Variants in POLR3B observed in about 807,000 individuals in gnomAD.
The protein encoded by POLR3B is DNA-directed RNA polymerase III subunit RPC2.
In POLR3B, 96 loss-of-function variants were observed where a neutral mutation model predicts 147.4. The observed-to-expected ratio is 0.65, with a 90% CI of 0.55 to 0.77. POLR3B has a LOEUF of 0.77. Among genes scored for constraint, POLR3B ranks in the 30% least tolerant of loss-of-function variants. The pLI is 0.00. For missense variants in POLR3B, 1,036 were observed against 1,413.5 expected, an observed-to-expected ratio of 0.73 and a Z score of 4.28; for synonymous variants, 461 against 485.9, an observed-to-expected ratio of 0.95 and a Z score of 0.67.
intron 23 of POLR3B, among the ~76,000 whole-genome samples, chr12:106,486,028 G>A (rs937590440): frequency 6.6e-6 from 1 of 152,000 alleles, no homozygotes. Flanking sequence ...GGTGGCTCAC[G>A]CCTGTAATCC....
chr12:106,371,784 T>A (rs1370830903), intron 6 of POLR3B, among the ~76,000 whole-genome samples: 1 of 130,120 alleles, frequency 7.7e-6, no homozygotes, highest in Non-Finnish European at 1.6e-5. Context: ...CTCTGGGAAC[T>A]GTTGTGGGGT....
In POLR3B at chr12:106,487,853, G is replaced by C. The variant is rs138048644; in HGVS notation, c.2714-8202G>C. On this transcript the variant is annotated intron_variant, in intron 23 of 27. Coordinates refer to ENST00000228347, the MANE Select transcript of POLR3B (RefSeq NM_018082.6). Reference sequence around the variant, plus strand: ...AAGACTGAAGGGGGCAGAATGCGTGGGTCAGCTGGAATAAGCGAGTCAATA... The same window carrying C: ...AAGACTGAAGGGGGCAGAATGCGTGCGTCAGCTGGAATAAGCGAGTCAATA... Among the ~76,000 whole-genome samples, 109 of 152,246 alleles carry C rather than the reference G, an allele frequency of 7.2e-4. No homozygotes were observed. In the East Asian group the frequency reaches 0.02, roughly 28 times the overall value.
chr12:106,407,499 A>G (rs1316028063), intron 11 of POLR3B, among the ~76,000 whole-genome samples: 7 of 152,174 alleles, frequency 4.6e-5, no homozygotes, highest in Non-Finnish European at 1.0e-4. Flanking sequence ...GCTTTAGTTG[A>G]TAGAGTCCTG....
chr12:106,439,521 T>G (rs1459806206), intron 18 of POLR3B, among the ~76,000 whole-genome samples: 1 of 151,836 alleles, frequency 6.6e-6, no homozygotes, highest in Non-Finnish European at 1.5e-5. Context: ...GATGTACGCC[T>G]GTAGTCCCAG....
chr12:106,443,188 T>C (rs1419144415), intron 18 of POLR3B, among the ~76,000 whole-genome samples: 2 of 152,224 alleles, frequency 1.3e-5, no homozygotes, highest in African/African-American at 4.8e-5. Context: ...ATTTTACACT[T>C]TTTTTCCTAC....
intron 23 of POLR3B, among the ~76,000 whole-genome samples, chr12:106,492,809 G>A (rs2038424567): frequency 6.6e-6 from 1 of 152,128 alleles, no homozygotes. Context: ...TAAGATGGAT[G>A]GTGATGGAAT....
chr12:106,359,331 AT>A (rs35229993), intron 1 of POLR3B, among the ~76,000 whole-genome samples: 32,112 of 134,574 alleles, frequency 0.24, 3,749 homozygotes, highest in Middle Eastern at 0.31. Context: ...AGGCAAAACT[AT>A]TTTTTTTTTT....
chr12:106,380,251 T>G, intron 9 of POLR3B, 112 bp downstream of exon 9: 1 of 719,254 alleles, frequency 1.4e-6, no homozygotes, highest in Non-Finnish European at 2.5e-6. Context: ...AGATTTGTGA[T>G]GTAAGTTGTC....
chr12:106,424,143 C>T (rs1325295817), intron 12 of POLR3B, among the ~76,000 whole-genome samples: 6 of 151,994 alleles, frequency 3.9e-5, no homozygotes, highest in Admixed American at 2.6e-4. Flanking sequence ...CGTGAGCCAC[C>T]GAGCCCAGCC....
rs1215856511 is a variant in POLR3B at position 106,500,180 on chromosome 12, T to C, written c.2985-1143T>C. On this transcript the variant is annotated intron_variant, in intron 25 of 27. Coordinates refer to ENST00000228347, the MANE Select transcript of POLR3B (RefSeq NM_018082.6). ...AAGTAGCACATGGTAGTTGCTTCCT[T>C]CCCTTTGAAGAAGAAAGTTTGAGGC... 2.9e-5 allele frequency: 13 copies of C among 455,834 alleles called. No individual in the cohort carries two copies. The Admixed American group carries it at 3.1e-4, about 11-fold the overall frequency. 28.2% of individuals were successfully genotyped at this position (455,834 alleles called of 1,614,324 possible).
chr12:106,481,241 G>T (rs1284709965), intron 23 of POLR3B, among the ~76,000 whole-genome samples: 1 of 152,206 alleles, frequency 6.6e-6, no homozygotes, highest in Non-Finnish European at 1.5e-5. Flanking sequence ...ACTGACACTG[G>T]CTGCTGTGTT....
In POLR3B at chr12:106,509,413, G is replaced by A. The variant is rs373580359; in HGVS notation, c.3273-7G>A. 82 of 1,613,316 alleles carry A rather than the reference G, an allele frequency of 5.1e-5. 1 individual carries two copies. The highest frequency in any genetic ancestry group is 1.5e-4 in the South Asian group (14 of 91,064). On this transcript the variant is annotated splice_polypyrimidine_tract_variant and splice_region_variant and intron_variant, in intron 27 of 27. Coordinates refer to ENST00000228347, the MANE Select transcript of POLR3B (RefSeq NM_018082.6). The stretch of plus-strand genomic sequence containing the variant: ...GTCTGTCTAACGCTTGCTGACTTGC[G>A]TTTCAGGTGCCATTACTGCAAGTCA...
chr12:106,424,404 T>A (rs1290897070), intron 12 of POLR3B, among the ~76,000 whole-genome samples: 2 of 152,192 alleles, frequency 1.3e-5, no homozygotes, highest in Admixed American at 1.3e-4. Context: ...AAGTTCCCCA[T>A]CAACTTTTCT....
chr12:106,495,866 G>A, intron 23 of POLR3B, 189 bp from the exon 24 acceptor site: 1 of 687,100 alleles, frequency 1.5e-6, no homozygotes, highest in Non-Finnish European at 2.7e-6. Flanking sequence ...CCTTTCGCAA[G>A]GAGAGTCGTT....
chr12:106,480,190 C>T (rs996938063), intron 23 of POLR3B, among the ~76,000 whole-genome samples: 4 of 151,910 alleles, frequency 2.6e-5, no homozygotes, highest in Non-Finnish European at 4.4e-5. Context: ...TTCTATCTCT[C>T]GATAGGATTT....
intron 6 of POLR3B, among the ~76,000 whole-genome samples, chr12:106,375,811 A>G (rs1422978715): frequency 5.3e-5 from 8 of 152,076 alleles, no homozygotes; most frequent in Non-Finnish European, 1.5e-5. Context: ...TCTGACTCTC[A>G]CTAAAGCCTG....
intron 9 of POLR3B, among the ~76,000 whole-genome samples, chr12:106,387,775 C>G (rs569106797): frequency 6.6e-6 from 1 of 152,136 alleles, no homozygotes; most frequent in African/African-American, 2.4e-5. Context: ...GGCATATTTT[C>G]CAGTCTCTTT....
intron 23 of POLR3B, among the ~76,000 whole-genome samples, chr12:106,478,598 C>T (rs2038216139): frequency 6.6e-6 from 1 of 151,788 alleles, no homozygotes; most frequent in African/African-American, 2.4e-5. Context: ...ACAGCTTCAT[C>T]AAATTTATGT....
At chr12:106,505,258 C>T (rs2038667927) in intron 27 of POLR3B, among the ~76,000 whole-genome samples, 1 of 151,988 alleles carries the variant, frequency 6.6e-6, no homozygotes, top group South Asian at 2.1e-4. Context: ...TCCATAGTTC[C>T]CCAAAAGCAA....
Sources: allele counts gnomAD v4.1 joint callset (sites outside exome capture counted in the v4.1 genomes callset), GRCh38; gene constraint gnomAD v4.1.1; transcripts MANE v1.5; gene names NCBI Gene and HGNC (gene_info 2026-07-23, HGNC 2026-07-21).